The following LGSN variants were observed in gnomAD, a reference collection of about 807,000 sequenced individuals.
LGSN encodes the protein lengsin.
Under a neutral mutation model 19.5 loss-of-function variants are expected in LGSN, and 21 were observed. The ratio of observed to expected loss-of-function variants is 1.07; its 90% confidence interval spans 0.76 to 1.55. The LOEUF is 1.55. Ranked by LOEUF, LGSN falls within the 40% of genes most tolerant of loss-of-function variation. The pLI is 0.00. For synonymous variants in LGSN, 257 were observed against 215.6 expected (o/e 1.19, Z -1.68); for missense variants, 673 against 608.5 (o/e 1.11, Z -1.12).
chr6:63,346,533 T>G, the LGSN span, among the ~76,000 whole-genome samples: 1 of 152,064 alleles, frequency 6.6e-6, no homozygotes, highest in Non-Finnish European at 1.5e-5. Flanking sequence ...ATATCCTTTA[T>G]AATAAACTGG....
the LGSN span, among the ~76,000 whole-genome samples, chr6:63,433,055 T>C: frequency 6.6e-6 from 1 of 152,168 alleles, no homozygotes; most frequent in Non-Finnish European, 1.5e-5. Context: ...CTCTTTCCTT[T>C]ATAAGCTCCA....
chr6:63,568,173 C>A, the LGSN span, among the ~76,000 whole-genome samples: 1 of 152,180 alleles, frequency 6.6e-6, no homozygotes, highest in African/African-American at 2.4e-5. Flanking sequence ...AGAGCTTTTC[C>A]TTGGCATTCA....
the LGSN span, among the ~76,000 whole-genome samples, chr6:63,562,762 G>T: frequency 2.0e-5 from 3 of 152,060 alleles, no homozygotes; most frequent in Non-Finnish European, 4.4e-5. Context: ...TAGGAGTCCC[G>T]CTGCTATATT....
the LGSN span, among the ~76,000 whole-genome samples, chr6:63,548,270 G>T: frequency 6.6e-6 from 1 of 152,132 alleles, no homozygotes; most frequent in East Asian, 1.9e-4. Context: ...ATTATTTGTT[G>T]TGTGACATAA....
chr6:63,408,145 C>G, the LGSN span, among the ~76,000 whole-genome samples: 10 of 152,174 alleles, frequency 6.6e-5, no homozygotes, highest in Non-Finnish European at 1.3e-4. Context: ...CATCAAGCTA[C>G]CCATGACTTT....
At chr6:63,445,346 G>C in the LGSN span, among the ~76,000 whole-genome samples, 1 of 151,858 alleles carries the variant, frequency 6.6e-6, no homozygotes, top group Non-Finnish European at 1.5e-5. Flanking sequence ...GGTCAGGCAC[G>C]GTGGCTCACG....
At chr6:63,493,365 T>C in the LGSN span, among the ~76,000 whole-genome samples, 1 of 152,320 alleles carries the variant, frequency 6.6e-6, no homozygotes, top group South Asian at 2.1e-4. Flanking sequence ...CTGACTCAGC[T>C]TATAGGTGAC....
chr6:63,540,627 A>C, the LGSN span, among the ~76,000 whole-genome samples: 59 of 152,126 alleles, frequency 3.9e-4, no homozygotes, highest in African/African-American at 1.4e-3. Context: ...CCTGTATCAC[A>C]AATGAAAAAA....
At chr6:63,543,496 T>C in the LGSN span, among the ~76,000 whole-genome samples, 1 of 152,222 alleles carries the variant, frequency 6.6e-6, no homozygotes, top group Non-Finnish European at 1.5e-5. Context: ...CATTTTGTCT[T>C]GTACTGAGAA....
the LGSN span, among the ~76,000 whole-genome samples, chr6:63,343,010 TG>T: frequency 0.033 from 5,043 of 152,328 alleles, 282 homozygotes; most frequent in African/African-American, 0.12. Flanking sequence ...CTCAAACATA[TG>T]AGACATTTTC....
the LGSN span, among the ~76,000 whole-genome samples, chr6:63,329,629 G>T: frequency 6.6e-5 from 10 of 152,284 alleles, no homozygotes; most frequent in Admixed American, 6.5e-4. Flanking sequence ...ACCTGATTTG[G>T]ACTGGGCGGG....
chr6:63,555,353 G>A, the LGSN span, among the ~76,000 whole-genome samples: 2 of 152,170 alleles, frequency 1.3e-5, no homozygotes, highest in Non-Finnish European at 2.9e-5. Flanking sequence ...ATTCAATATT[G>A]TTGTCACAGT....
chr6:63,284,095 T>C (rs1767434224), intron 3 of LGSN, among the ~76,000 whole-genome samples: 1 of 150,952 alleles, frequency 6.6e-6, no homozygotes, highest in Non-Finnish European at 1.5e-5. Flanking sequence ...ATACTCATTA[T>C]TTATACCTTC....
the LGSN span, among the ~76,000 whole-genome samples, chr6:63,370,419 G>A: frequency 6.6e-6 from 1 of 152,118 alleles, no homozygotes. Flanking sequence ...GTACAACCAG[G>A]GCAGTTACAC....
chr6:63,361,107 A>G, the LGSN span, among the ~76,000 whole-genome samples: 2 of 152,200 alleles, frequency 1.3e-5, no homozygotes, highest in Admixed American at 6.5e-5. Flanking sequence ...AGGGTCAGGG[A>G]CCCACTTGAG....
the LGSN span, among the ~76,000 whole-genome samples, chr6:63,403,178 G>T: frequency 1.3e-5 from 2 of 152,080 alleles, no homozygotes; most frequent in Non-Finnish European, 2.9e-5. Context: ...GATAAATATG[G>T]ATGTTAAAGT....
At chr6:63,484,145 CTT>C in the LGSN span, among the ~76,000 whole-genome samples, 1 of 152,132 alleles carries the variant, frequency 6.6e-6, no homozygotes, top group Admixed American at 6.5e-5. Context: ...CAGAGCAAGA[CTT>C]TGTCTCAAAA....
chr6:63,373,925 C>T, the LGSN span, among the ~76,000 whole-genome samples: 12 of 151,552 alleles, frequency 7.9e-5, no homozygotes, highest in South Asian at 4.2e-4. Flanking sequence ...ACAGACAGAG[C>T]GAGACTCTGT....
At chr6:63,404,871 T>C in the LGSN span, among the ~76,000 whole-genome samples, 1 of 152,052 alleles carries the variant, frequency 6.6e-6, no homozygotes, top group African/African-American at 2.4e-5. Flanking sequence ...TAGTTACATA[T>C]GTATACATGT....
Sources: allele counts gnomAD v4.1 joint callset (sites outside exome capture counted in the v4.1 genomes callset), GRCh38; gene constraint gnomAD v4.1.1; transcripts MANE v1.5; gene names NCBI Gene and HGNC (gene_info 2026-07-23, HGNC 2026-07-21).